Variants in OIP5 observed in about 807,000 individuals in gnomAD.
The protein encoded by OIP5 is protein Mis18-beta.
OIP5 carries 24 observed loss-of-function variants against 20.3 expected under a neutral mutation model. The ratio of observed to expected loss-of-function variants is 1.18; its 90% CI spans 0.86 to 1.66. The LOEUF (loss-of-function observed/expected upper bound fraction) is 1.66. Among genes scored for constraint, OIP5 ranks in the 40% most tolerant of loss-of-function variants. The probability of loss-of-function intolerance (pLI) is 0.00; values close to 1 mark genes in which losing one functional copy is unlikely to be tolerated. For synonymous variants in OIP5, 143 were observed against 121.3 expected (o/e 1.18, Z -1.17); for missense variants, 339 against 289.5 (o/e 1.17, Z -1.24).
rs945703765 is a variant in OIP5 at position 41,331,016 on chromosome 15, G to A, written c.389+899C>T. ...GGGAGTGTCTTTTATTCAGGAAAAAGAAAGGGAGCTGTGGGTCTAACTCCG... is the reference window on the plus strand; with the variant it reads ...GGGAGTGTCTTTTATTCAGGAAAAAAAAAGGGAGCTGTGGGTCTAACTCCG... On this transcript the variant is annotated intron_variant, in intron 2 of 4. Coordinates refer to ENST00000220514, the MANE Select transcript of OIP5 (RefSeq NM_007280.2). 9.2e-5 allele frequency among the ~76,000 whole-genome samples: 14 copies of A among 152,296 alleles called. 1 individual carries two copies. The highest frequency in any genetic ancestry group is 1.9e-4 in the Non-Finnish European group (13 of 68,018).
intron 2 of OIP5, among the ~76,000 whole-genome samples, chr15:41,329,278 C>T (rs1227288251): frequency 6.6e-6 from 1 of 151,416 alleles, no homozygotes; most frequent in East Asian, 1.9e-4. Context: ...TCATCTTACT[C>T]CACAAATACA....
chr15:41,331,498 T>G (rs1344517170), intron 2 of OIP5, among the ~76,000 whole-genome samples: 2 of 152,282 alleles, frequency 1.3e-5, no homozygotes, highest in South Asian at 4.2e-4. Context: ...GTTGGGAGGA[T>G]AGCTTGAGCC....
intron 1 of OIP5, 39 bp downstream of exon 1, chr15:41,332,201 G>T (rs769930554): frequency 6.6e-6 from 10 of 1,520,384 alleles, no homozygotes; most frequent in Non-Finnish European, 8.8e-6. Flanking sequence ...ACCCTCTCGG[G>T]CTAGCCTCTG....
chr15:41,321,320 C>T (rs1469296191), intron 2 of OIP5, among the ~76,000 whole-genome samples: 2 of 150,298 alleles, frequency 1.3e-5, no homozygotes, highest in African/African-American at 2.4e-5. Context: ...GCCCCCCGCC[C>T]GGCCAGCCGC....
At chr15:41,329,637 T>C (rs2047884776) in intron 2 of OIP5, among the ~76,000 whole-genome samples, 2 of 151,926 alleles carry the variant, frequency 1.3e-5, no homozygotes, top group South Asian at 2.1e-4. Flanking sequence ...TTACAAAGCA[T>C]CTAAACAAGC....
rs766625374 is a variant in OIP5, at chr15:41,319,842, A to G, written c.390-62T>C. 1,477 of 1,426,300 alleles carry G rather than the reference A, an allele frequency of 1.0e-3. 1 individual carries two copies. Among genetic ancestry groups the G allele is most frequent in the Non-Finnish European group, 1.3e-3 (1,404 of 1,051,978 alleles). The allele number at this position is 1,426,300 out of a possible 1,614,324, so 88.4% of individuals were successfully genotyped here. A position where few individuals can be genotyped will look rare whatever the true frequency, so the allele number is the denominator to read the frequency against. ...AAAAATCATATAAGAAATAAAAAAT[A>G]ACTAGTCTCTGAAGCATTCCTAACA... On this transcript the variant is annotated intron_variant, in intron 2 of 4. Coordinates refer to ENST00000220514, the MANE Select transcript of OIP5 (RefSeq NM_007280.2).
At chr15:41,321,162 G>GC (rs1218849029) in intron 2 of OIP5, among the ~76,000 whole-genome samples, 65 of 150,648 alleles carry the variant, frequency 4.3e-4, no homozygotes, top group African/African-American at 1.5e-3. Flanking sequence ...TGGGGGGTCA[G>GC]CCCCCCGCCC....
In OIP5 at chr15:41,326,906, C is replaced by T. The variant is rs74751386; in HGVS notation, c.389+5009G>A. Among the ~76,000 whole-genome samples, 32 of 152,244 alleles carry T rather than the reference C, an allele frequency of 2.1e-4. 1 individual carries two copies. In the East Asian group the frequency reaches 6.2e-3, roughly 29 times the overall value. On this transcript the variant is annotated intron_variant, in intron 2 of 4. Coordinates refer to ENST00000220514, the MANE Select transcript of OIP5 (RefSeq NM_007280.2). Reference sequence around the variant, plus strand: ...ATAGGAGGAAAATACTTCCAATACACTACCAAATACAACTGTTTCTCCATA... The same window carrying T: ...ATAGGAGGAAAATACTTCCAATACATTACCAAATACAACTGTTTCTCCATA...
chr15:41,320,207 A>G (rs1164917385), intron 2 of OIP5, among the ~76,000 whole-genome samples: 1 of 152,156 alleles, frequency 6.6e-6, no homozygotes, highest in Admixed American at 6.6e-5. Flanking sequence ...ACTAAAATCA[A>G]GGTTTGTCTT....
At chr15:41,312,621 G>A (rs1044340404) in intron 4 of OIP5, among the ~76,000 whole-genome samples, 22 of 149,076 alleles carry the variant, frequency 1.5e-4, no homozygotes, top group African/African-American at 3.5e-4. Context: ...CACCATGACC[G>A]GCTAAATTTT....
At chr15:41,321,437 T>G (rs8041170) in intron 2 of OIP5, among the ~76,000 whole-genome samples, 1 of 152,124 alleles carries the variant, frequency 6.6e-6, no homozygotes, top group African/African-American at 2.4e-5. Context: ...CAACAGCTCA[T>G]TGAGAATGGG....
chr15:41,317,443 G>A (rs556784177), intron 3 of OIP5, among the ~76,000 whole-genome samples: 6 of 150,482 alleles, frequency 4.0e-5, no homozygotes, highest in East Asian at 2.0e-4. Flanking sequence ...GCAGTGGCGC[G>A]ATCTTGGTTC....
At chr15:41,330,699 G>A (rs1319916142) in intron 2 of OIP5, among the ~76,000 whole-genome samples, 2 of 152,122 alleles carry the variant, frequency 1.3e-5, no homozygotes, top group Non-Finnish European at 1.5e-5. Context: ...CACCACGCCC[G>A]GCCCGTAATC....
At chr15:41,324,385 CT>C (rs778924295) in intron 2 of OIP5, among the ~76,000 whole-genome samples, 26 of 152,152 alleles carry the variant, frequency 1.7e-4, no homozygotes, top group Admixed American at 9.8e-4. Flanking sequence ...CTGGATTAGG[CT>C]TTAGTTTAAA....
At chr15:41,313,731 A>C (rs2047773279) in intron 3 of OIP5, among the ~76,000 whole-genome samples, 1 of 152,124 alleles carries the variant, frequency 6.6e-6, no homozygotes, top group African/African-American at 2.4e-5. Flanking sequence ...TAAAGTATAA[A>C]ATATATACTT....
chr15:41,323,598 G>C (rs1424295537), intron 2 of OIP5, among the ~76,000 whole-genome samples: 2 of 152,048 alleles, frequency 1.3e-5, no homozygotes, highest in Non-Finnish European at 2.9e-5. Flanking sequence ...AGCCTTCCAA[G>C]TAGCTGGGAC....
At chr15:41,328,287 G>A (rs1401489308) in intron 2 of OIP5, among the ~76,000 whole-genome samples, 4 of 152,174 alleles carry the variant, frequency 2.6e-5, no homozygotes, top group Non-Finnish European at 5.9e-5. Flanking sequence ...CAAAAGTGTT[G>A]GGATTACAGG....
At chr15:41,328,875 T>C (rs971977365) in intron 2 of OIP5, among the ~76,000 whole-genome samples, 4 of 151,816 alleles carry the variant, frequency 2.6e-5, no homozygotes, top group African/African-American at 9.7e-5. Flanking sequence ...ATGGCCAACA[T>C]GGTGAAACCC....
At chr15:41,315,798 C>T (rs1470580279) in intron 3 of OIP5, among the ~76,000 whole-genome samples, 3 of 152,138 alleles carry the variant, frequency 2.0e-5, no homozygotes, top group Non-Finnish European at 4.4e-5. Flanking sequence ...TAACAGCACA[C>T]ATTTACAGTT....
Sources: gnomAD v4.1 joint callset for allele counts (sites outside exome capture counted in the v4.1 genomes callset) on GRCh38, gnomAD v4.1.1 for gene constraint, MANE v1.5 for transcripts, NCBI Gene and HGNC (gene_info 2026-07-23, HGNC 2026-07-21) for gene names.